Variants in DGKI observed in about 807,000 individuals in gnomAD.
DGKI encodes diacylglycerol kinase iota, also known as DAG kinase iota.
In DGKI, 55 loss-of-function variants were observed where a neutral mutation model predicts 147.5. The observed-to-expected ratio is 0.37, with a 90% CI of 0.30 to 0.47. The LOEUF is 0.47. DGKI is among the 20% of genes least tolerant of loss of function. The probability of loss-of-function intolerance (pLI) is 1.00; values close to 1 mark genes in which losing one functional copy is unlikely to be tolerated. For synonymous variants in DGKI, 469 were observed against 477.1 expected, an observed-to-expected ratio of 0.98 and a Z score of 0.22; for missense variants, 1,007 against 1,323.8, an observed-to-expected ratio of 0.76 and a Z score of 3.71.
intron 19 of DGKI, among the ~76,000 whole-genome samples, chr7:137,553,122 T>C (rs563214181): frequency 6.6e-6 from 1 of 152,350 alleles, no homozygotes; most frequent in Admixed American, 6.5e-5. Flanking sequence ...TGCTCTTATA[T>C]GTTTCAAATC....
At chr7:137,721,536 T>G (rs2116617120) in intron 1 of DGKI, among the ~76,000 whole-genome samples, 1 of 152,284 alleles carries the variant, frequency 6.6e-6, no homozygotes, top group South Asian at 2.1e-4. Context: ...ACCCCTTTCT[T>G]GGACTATTGT....
At chr7:137,725,044 A>G in intron 1 of DGKI, among the ~76,000 whole-genome samples, 1 of 152,202 alleles carries the variant, frequency 6.6e-6, no homozygotes, top group Non-Finnish European at 1.5e-5. Context: ...CTTTATACAG[A>G]GGTGAGAAGG....
At chr7:137,717,334 A>AT (rs929178493) in intron 1 of DGKI, among the ~76,000 whole-genome samples, 26 of 151,984 alleles carry the variant, frequency 1.7e-4, no homozygotes, top group Non-Finnish European at 2.8e-4. Flanking sequence ...AAAATTGCAT[A>AT]TTTTTTTTCT....
At chr7:137,799,451 C>T (rs766685762) in intron 1 of DGKI, among the ~76,000 whole-genome samples, 4 of 152,154 alleles carry the variant, frequency 2.6e-5, no homozygotes, top group African/African-American at 7.2e-5. Context: ...TGTGAACACA[C>T]TAAAATATAC....
intron 30 of DGKI, among the ~76,000 whole-genome samples, chr7:137,400,107 C>G (rs796612112): frequency 6.6e-6 from 1 of 152,132 alleles, no homozygotes; most frequent in African/African-American, 2.4e-5. Context: ...TCACTTTACT[C>G]CCACTTACAT....
At position 137,720,257 on chromosome 7, in the gene DGKI, T is replaced by TTTC. The variant is rs1410724771; in HGVS notation, c.402-30256_402-30255insGAA. On this transcript the variant is annotated intron_variant, in intron 1 of 32. Transcript: ENST00000614521. ...TTTCACACTTGAAAAAATCTTTTTTTTTTTTTTTTTTTTTTTTTGAGACAG... is the reference window on the plus strand; with the variant it reads ...TTTCACACTTGAAAAAATCTTTTTTTTTCTTTTTTTTTTTTTTTTTTGAGACAG... Among the ~76,000 whole-genome samples the TTTC allele has an allele frequency of 7.6e-5, 10 of 130,958 alleles. No individual in the cohort carries two copies. In the East Asian group the frequency reaches 1.5e-3, roughly 20 times the overall value. 85.9% of individuals were successfully genotyped at this position (130,958 alleles called of 152,430 possible).
At chr7:137,721,330 A>T (rs1276794221) in intron 1 of DGKI, among the ~76,000 whole-genome samples, 1 of 152,186 alleles carries the variant, frequency 6.6e-6, no homozygotes, top group Non-Finnish European at 1.5e-5. Context: ...AAAATCCTAG[A>T]AGAGAATTGA....
Position 137,384,308 on chromosome 7 carries a change from C to G in DGKI, c.*6912G>C, listed in dbSNP as rs986089206. ...TTTGCTTGAACTATGTACAAGCTGA[C>G]AAGCCTCTCTCCGACAGCAAAAACT... On this transcript the variant is annotated 3_prime_UTR_variant, in exon 33 of 33. Coordinates refer to ENST00000614521, the MANE Select transcript of DGKI (RefSeq NM_001321708.2). 1 of 151,702 alleles carries G rather than the reference C, an allele frequency of 6.6e-6. No individual in the cohort carries two copies. Among genetic ancestry groups the G allele is most frequent in the Non-Finnish European group, 1.5e-5 (1 of 67,722 alleles). 9.4% of individuals were successfully genotyped at this position (151,702 alleles called of 1,614,324 possible).
intron 30 of DGKI, among the ~76,000 whole-genome samples, chr7:137,406,930 C>CAA (rs3046570): frequency 0.27 from 25,188 of 92,322 alleles, 3,634 homozygotes; most frequent in Middle Eastern, 0.37. Context: ...TGCTGAATTG[C>CAA]AAAAAAAAAA....
intron 28 of DGKI, among the ~76,000 whole-genome samples, chr7:137,424,166 T>A (rs1812688680): frequency 6.6e-6 from 1 of 152,252 alleles, no homozygotes; most frequent in African/African-American, 2.4e-5. Context: ...TCATGCTAAA[T>A]TGATTAAGCA....
Position 137,642,929 on chromosome 7 carries a change from AGTGTGT to A in DGKI, c.804+2537_804+2542del, listed in dbSNP as rs1207086851. Among the ~76,000 whole-genome samples, 347 of 121,204 alleles carry A rather than the reference AGTGTGT, an allele frequency of 2.9e-3. 1 individual carries two copies. Among genetic ancestry groups the A allele is most frequent in the African/African-American group, 6.4e-3 (198 of 31,066 alleles). 79.5% of individuals were successfully genotyped at this position (121,204 alleles called of 152,430 possible). A position where few individuals can be genotyped will look rare whatever the true frequency, so the allele number is the denominator to read the frequency against. ...CATCCCAATGAGTAAATTATGGAAT[AGTGTGT>A]GTGTGTGTGTGTGTGTGTGTGTGTG... On this transcript the variant is annotated intron_variant, in intron 6 of 32. Transcript: ENST00000614521.
chr7:137,709,450 A>C (rs1794150784), intron 1 of DGKI, among the ~76,000 whole-genome samples: 1 of 152,350 alleles, frequency 6.6e-6, no homozygotes, highest in Non-Finnish European at 1.5e-5. Context: ...CTTAAAGACT[A>C]CAAGAAAAAT....
chr7:137,472,444 A>T (rs1321595641), intron 23 of DGKI, among the ~76,000 whole-genome samples: 1 of 138,716 alleles, frequency 7.2e-6, no homozygotes, highest in Non-Finnish European at 1.5e-5. Flanking sequence ...ACATATACAT[A>T]TATAAACGTA....
chr7:137,436,724 C>T (rs1282621474), intron 28 of DGKI, among the ~76,000 whole-genome samples: 1 of 152,120 alleles, frequency 6.6e-6, no homozygotes, highest in Non-Finnish European at 1.5e-5. Context: ...ACTAATCACA[C>T]TTATGAACAT....
At chr7:137,511,937 C>T (rs906485483) in intron 21 of DGKI, among the ~76,000 whole-genome samples, 1 of 152,166 alleles carries the variant, frequency 6.6e-6, no homozygotes, top group African/African-American at 2.4e-5. Context: ...GTCCCAGGTC[C>T]AAAGGTCCCT....
rs1266547715 is a variant in DGKI at position 137,585,329 on chromosome 7, A to T, written c.1443T>A (p.Pro481=). Reference sequence around the variant, plus strand: ...CCACTTGACACAGGATCTTAGAAACAGGTTCATCAGTGTAGCCCTGAGGAA... The same window carrying T: ...CCACTTGACACAGGATCTTAGAAACTGGTTCATCAGTGTAGCCCTGAGGAA... ...LNWGGGYTDE[P]VSKILCQVED... The change falls in exon 14 of 33, where the codon CCT becomes CCA. Residue 481 remains proline, a synonymous_variant. Transcript: ENST00000614521. The T allele has an allele frequency of 4.3e-6, 7 of 1,614,188 alleles. No homozygotes were observed. Among genetic ancestry groups the T allele is most frequent in the Non-Finnish European group, 5.9e-6 (7 of 1,180,008 alleles).
At chr7:137,826,226 T>C (rs971813624) in intron 1 of DGKI, among the ~76,000 whole-genome samples, 6 of 152,172 alleles carry the variant, frequency 3.9e-5, no homozygotes, top group Non-Finnish European at 8.8e-5. Flanking sequence ...TATTTTCCAT[T>C]ATATGAGAAG....
rs1365840267 is a variant in DGKI, at chr7:137,846,819, G to T, written c.44C>A (p.Ala15Glu). ...GRGCHLLPLPAARGPARAPAA... is the reference protein window; with the variant it reads ...GRGCHLLPLPEARGPARAPAA... ...AGGAGCGCGGGCAGGTCCGCGCGCC[G>T]CTGGCAGGGGCAGCAAATGGCAGCC... Residue 15 changes from alanine to glutamate, a missense_variant, in exon 1 of 33, where the codon GCG becomes GAG. Ala to Glu is a moderately radical substitution (Grantham distance 107). Transcript: ENST00000614521. The surrounding 1 kb of genome is among the most constrained non-coding windows in gnomAD (Gnocchi z 4.0). 4.8e-5 allele frequency: 55 copies of T among 1,140,962 alleles called. No individual in the cohort carries two copies. The highest frequency in any genetic ancestry group is 5.5e-5 in the Non-Finnish European group (51 of 929,776). The allele number at this position is 1,140,962 out of a possible 1,614,324, so 70.7% of individuals were successfully genotyped here.
chr7:137,836,791 T>C (rs1467014874), intron 1 of DGKI, among the ~76,000 whole-genome samples: 1 of 152,228 alleles, frequency 6.6e-6, no homozygotes, highest in Non-Finnish European at 1.5e-5. Context: ...CACATGATTA[T>C]TCACAGAGCT....
Sources: allele counts gnomAD v4.1 joint callset (sites outside exome capture counted in the v4.1 genomes callset), GRCh38; gene constraint gnomAD v4.1.1; non-coding constraint Gnocchi (gnomAD v3.1); transcripts MANE v1.5; gene names NCBI Gene and HGNC (gene_info 2026-07-23, HGNC 2026-07-21).